MAP3K1: variants seen among roughly 807,000 people sequenced by gnomAD.
MAP3K1 encodes MAP/ERK kinase kinase 1.
A neutral mutation model predicts 144.2 loss-of-function variants in MAP3K1; 36 were observed. The ratio of observed to expected loss-of-function variants is 0.25; its 90% CI spans 0.19 to 0.33. The LOEUF (loss-of-function observed/expected upper bound fraction) is 0.33. MAP3K1 is among the 10% of genes least tolerant of loss of function. The pLI, the probability that MAP3K1 is intolerant of heterozygous loss-of-function variation, is 1.00. For missense variants in MAP3K1, 1,650 were observed against 1,881.9 expected (o/e 0.88, Z 2.28); for synonymous variants, 718 against 688.7 (o/e 1.04, Z -0.67).
intron 2 of MAP3K1, among the ~76,000 whole-genome samples, chr5:56,857,339 TA>T (rs2111866325): frequency 6.6e-6 from 1 of 152,232 alleles, no homozygotes; most frequent in East Asian, 1.9e-4. Context: ...TCCTAGATTT[TA>T]AAAAGCAGGG....
chr5:56,884,634 A>C (rs776896490), intron 15 of MAP3K1, 30 bp from the exon 16 acceptor site: 1 of 1,611,968 alleles, frequency 6.2e-7, no homozygotes, highest in Admixed American at 1.7e-5. Flanking sequence ...AAAATATGCA[A>C]AACTTTGTGA....
chr5:56,841,202 T>TTA (rs1554031619), intron 1 of MAP3K1, among the ~76,000 whole-genome samples: 9 of 147,482 alleles, frequency 6.1e-5, no homozygotes, highest in Non-Finnish European at 1.0e-4. Context: ...CTTATTGATT[T>TTA]AAAAAAAAAA....
Position 56,881,749 on chromosome 5 carries a change from C to G in MAP3K1, c.2549C>G (p.Thr850Ser), listed in dbSNP as rs1463799256. ...AGTGTTTCCAGTTCCACTCACTTCA[C>G]CAGGATGCGTCGCCGTTTGATGGCT... ...MLSVSSSTHFTRMRRRLMAIA... is the reference protein window; with the variant it reads ...MLSVSSSTHFSRMRRRLMAIA... Residue 850 changes from threonine (T) to serine (S), a missense_variant, in exon 14 of 20, where the codon ACC becomes AGC. By Grantham distance (58) the Thr-to-Ser change is moderately conservative (BLOSUM62 1). Around this residue, in one of 6 missense-constraint regions of MAP3K1, gnomAD observed 841 missense variants for 886.5 expected, o/e 0.95. Coordinates refer to ENST00000399503, the MANE Select transcript of MAP3K1 (RefSeq NM_005921.2). The G allele has an allele frequency of 6.8e-6, 11 of 1,614,006 alleles. No individual in the cohort carries two copies. In the African/African-American group the frequency reaches 1.2e-4, roughly 18 times the overall value.
chr5:56,876,140 A>G (rs1351562876), intron 10 of MAP3K1, among the ~76,000 whole-genome samples: 3 of 129,818 alleles, frequency 2.3e-5, no homozygotes, highest in Admixed American at 1.8e-4. Context: ...CAGCCTCAGT[A>G]CTATTAACAT....
At chr5:56,825,305 G>A (rs1050776121) in intron 1 of MAP3K1, among the ~76,000 whole-genome samples, 6 of 152,142 alleles carry the variant, frequency 3.9e-5, no homozygotes, top group South Asian at 2.1e-4. Context: ...GAGCCACCAT[G>A]CCCGGCCAGG....
At chr5:56,819,443 A>G (rs1196965619) in intron 1 of MAP3K1, among the ~76,000 whole-genome samples, 2 of 152,158 alleles carry the variant, frequency 1.3e-5, no homozygotes, top group Non-Finnish European at 2.9e-5. Context: ...AAGAGCAAAA[A>G]AAAAACCAGC....
intron 1 of MAP3K1, among the ~76,000 whole-genome samples, chr5:56,839,483 T>C (rs1283152626): frequency 1.3e-5 from 2 of 152,192 alleles, no homozygotes; most frequent in African/African-American, 2.4e-5. Context: ...AAAATACATA[T>C]ATAGTGTCAG....
intron 3 of MAP3K1, among the ~76,000 whole-genome samples, chr5:56,861,588 A>AG (rs1386973127): frequency 9.4e-5 from 3 of 31,872 alleles, no homozygotes; most frequent in African/African-American, 1.6e-4. Context: ...AAAAAAAAAA[A>AG]AAGGGGCTAT....
chr5:56,834,561 T>A (rs562359456), intron 1 of MAP3K1, among the ~76,000 whole-genome samples: 28 of 152,208 alleles, frequency 1.8e-4, no homozygotes, highest in African/African-American at 6.3e-4. Context: ...TACAAAAAAT[T>A]AGCTGGGCAT....
At position 56,882,789 on chromosome 5, in the gene MAP3K1, G is replaced by C; in HGVS notation, c.3589G>C (p.Ala1197Pro). ...EALAIAMAMS[A>P]SQDALPIVPQ... The stretch of plus-strand genomic sequence containing the variant: ...TTTAGCAATTGCCATGGCAATGTCA[G>C]CGTCTCAGGATGCCCTCCCCATAGT... Residue 1197 changes from alanine (A) to proline (P), a missense_variant, in exon 14 of 20, where the codon GCG becomes CCG. Transcript: ENST00000399503. The C allele has an allele frequency of 1.9e-6, 3 of 1,611,818 alleles. No homozygotes were observed. Among genetic ancestry groups the C allele is most frequent in the Non-Finnish European group, 2.5e-6 (3 of 1,179,214 alleles).
chr5:56,868,141 T>C (rs1475502195), intron 6 of MAP3K1, among the ~76,000 whole-genome samples: 1 of 152,234 alleles, frequency 6.6e-6, no homozygotes, highest in Non-Finnish European at 1.5e-5. Flanking sequence ...ATTTGGTCTC[T>C]TTTAAAACTA....
At chr5:56,827,392 G>T (rs981525069) in intron 1 of MAP3K1, among the ~76,000 whole-genome samples, 2 of 152,254 alleles carry the variant, frequency 1.3e-5, no homozygotes, top group Non-Finnish European at 2.9e-5. Context: ...GGACAAGACA[G>T]TCTGGGGTCA....
At chr5:56,865,766 A>G in intron 5 of MAP3K1, 63 bp from the exon 6 acceptor site, 4 of 1,518,112 alleles carry the variant, frequency 2.6e-6, no homozygotes, top group African/African-American at 1.4e-5. Flanking sequence ...TTCAGCCTCT[A>G]GAACTCTTCA....
Position 56,882,668 on chromosome 5 carries a change from G to T in MAP3K1, c.3468G>T (p.Leu1156=). The change falls in exon 14 of 20, where the codon CTG becomes CTT. Residue 1156 remains leucine (L), a synonymous_variant. Coordinates refer to ENST00000399503, the MANE Select transcript of MAP3K1 (RefSeq NM_005921.2). ...TVTFKSEVAV[L]SPEKAENDDT... Reference sequence around the variant, plus strand: ...CTTTTAAGTCAGAAGTTGCTGTCCTGTCTCCTGAAAAGGCTGAAAATGATG... The same window carrying T: ...CTTTTAAGTCAGAAGTTGCTGTCCTTTCTCCTGAAAAGGCTGAAAATGATG... 6.2e-7 allele frequency: 1 copy of T among 1,614,080 alleles called. No individual in the cohort carries two copies. Among genetic ancestry groups the T allele is most frequent in the South Asian group, 1.1e-5 (1 of 91,084 alleles).
chr5:56,826,359 C>G (rs990009772), intron 1 of MAP3K1, among the ~76,000 whole-genome samples: 5 of 152,116 alleles, frequency 3.3e-5, no homozygotes, highest in Non-Finnish European at 5.9e-5. Flanking sequence ...TAGTTTTTTT[C>G]TCTATCATTG....
chr5:56,843,825 AAGT>A (rs1261864149), intron 1 of MAP3K1, among the ~76,000 whole-genome samples: 1 of 152,198 alleles, frequency 6.6e-6, no homozygotes, highest in Non-Finnish European at 1.5e-5. Context: ...GTGATAGCTT[AAGT>A]AGTATTAAGA....
chr5:56,835,253 A>G (rs1416189454), intron 1 of MAP3K1, among the ~76,000 whole-genome samples: 2 of 152,154 alleles, frequency 1.3e-5, no homozygotes, highest in African/African-American at 2.4e-5. Context: ...AGAGGATCCT[A>G]TGGAGGAGCC....
At chr5:56,852,904 C>T (rs989063970) in intron 1 of MAP3K1, among the ~76,000 whole-genome samples, 12 of 152,090 alleles carry the variant, frequency 7.9e-5, no homozygotes, top group Non-Finnish European at 1.0e-4. Flanking sequence ...TACATACATA[C>T]ATACACACAC....
At chr5:56,841,115 A>C (rs1326324055) in intron 1 of MAP3K1, among the ~76,000 whole-genome samples, 1 of 152,012 alleles carries the variant, frequency 6.6e-6, no homozygotes, top group Non-Finnish European at 1.5e-5. Flanking sequence ...CTGTAATCCC[A>C]GCCCTTTGGG....
Sources: allele counts gnomAD v4.1 joint callset (sites outside exome capture counted in the v4.1 genomes callset), GRCh38; gene constraint gnomAD v4.1.1; regional missense constraint gnomAD v4.1.1; transcripts MANE v1.5; gene names NCBI Gene and HGNC (gene_info 2026-07-23, HGNC 2026-07-21).